STK32A: variants seen among roughly 807,000 people sequenced by gnomAD.
The protein encoded by STK32A is serine/threonine kinase 32A.
Under a neutral mutation model 53.2 loss-of-function variants are expected in STK32A, and 41 were observed. The observed-to-expected ratio is 0.77, with a 90% CI of 0.60 to 1.00. The LOEUF is 1.00. Ranked by LOEUF, STK32A falls within the 50% of genes least tolerant of loss-of-function variation. The probability of loss-of-function intolerance (pLI) is 0.00; values close to 1 mark genes in which losing one functional copy is unlikely to be tolerated. For synonymous variants in STK32A, 166 were observed against 162.8 expected (o/e 1.02, Z -0.15); for missense variants, 458 against 485.8 (o/e 0.94, Z 0.54).
chr5:147,392,008 TC>T, downstream of STK32A: 1 of 152,356 alleles, frequency 6.6e-6, no homozygotes, highest in South Asian at 2.1e-4. Context: ...AAGTGGACGC[TC>T]AGAAGCGAGT....
intron 4 of STK32A, among the ~76,000 whole-genome samples, chr5:147,314,501 A>T (rs1753869485): frequency 3.1e-5 from 1 of 31,912 alleles, no homozygotes; most frequent in African/African-American, 1.7e-4. Context: ...TCCATATCAA[A>T]AAAAACAAAA....
intron 2 of STK32A, among the ~76,000 whole-genome samples, chr5:147,265,140 T>G (rs1008569780): frequency 1.6e-5 from 2 of 128,850 alleles, no homozygotes; most frequent in East Asian, 4.2e-4. Flanking sequence ...TTTTATATAT[T>G]TTTATATATA....
intron 5 of STK32A, among the ~76,000 whole-genome samples, chr5:147,327,320 T>C (rs1474968304): frequency 6.6e-6 from 1 of 152,186 alleles, no homozygotes; most frequent in Non-Finnish European, 1.5e-5. Flanking sequence ...GTACTTGAAT[T>C]CAAGATAACA....
rs375084841 is a variant in STK32A at position 147,261,878 on chromosome 5, C to T, written c.53-16246C>T. ...CATGTATTCACCAAAGGAGTCCATG[C>T]TATCCCCCCCAAGCTAAGACTGCTT... On this transcript the variant is annotated intron_variant, in intron 2 of 12. Coordinates refer to ENST00000397936, the MANE Select transcript of STK32A (RefSeq NM_001112724.2). Among the ~76,000 whole-genome samples the T allele has an allele frequency of 3.5e-4, 50 of 142,162 alleles. 2 individuals carry two copies. In the South Asian group the frequency reaches 0.01, roughly 29 times the overall value. The allele number at this position is 142,162 out of a possible 152,430, so 93.3% of individuals were successfully genotyped here.
chr5:147,239,721 G>T, intron 2 of STK32A, 35 bp downstream of exon 2: 3 of 1,544,176 alleles, frequency 1.9e-6, no homozygotes, highest in South Asian at 2.4e-5. Context: ...ATAAAAAATA[G>T]AATTTTGCAA....
At chr5:147,395,493 T>C in the STK32A span, 1 of 1,535,046 alleles carries the variant, frequency 6.5e-7, no homozygotes, top group East Asian at 2.4e-5. Flanking sequence ...GAACACCCTG[T>C]GGCCTCAGAA....
intron 4 of STK32A, among the ~76,000 whole-genome samples, chr5:147,281,017 T>A (rs1752041289): frequency 6.6e-6 from 1 of 152,104 alleles, no homozygotes; most frequent in Non-Finnish European, 1.5e-5. Flanking sequence ...GCTGGGTGGC[T>A]AGACCCAGAA....
chr5:147,253,711 T>C (rs1458255301), intron 2 of STK32A, among the ~76,000 whole-genome samples: 1 of 152,172 alleles, frequency 6.6e-6, no homozygotes, highest in Non-Finnish European at 1.5e-5. Context: ...TTCAGAATAA[T>C]TTCAAGAAGG....
intron 2 of STK32A, among the ~76,000 whole-genome samples, chr5:147,241,479 AAAAC>A (rs80273912): frequency 0.015 from 2,227 of 151,126 alleles, 43 homozygotes; most frequent in African/African-American, 0.047. Flanking sequence ...ACTCCATCTC[AAAAC>A]AAACAAACAA....
At chr5:147,302,813 AATTTT>A (rs764285263) in intron 4 of STK32A, among the ~76,000 whole-genome samples, 2 of 152,144 alleles carry the variant, frequency 1.3e-5, no homozygotes, top group African/African-American at 2.4e-5. Flanking sequence ...AAGATCCTGA[AATTTT>A]ATTTTATTTT....
chr5:147,256,703 G>C lies in STK32A; in HGVS notation c.52+17017G>C, dbSNP rs1224353161. On this transcript the variant is annotated intron_variant, in intron 2 of 12. Coordinates refer to ENST00000397936, the MANE Select transcript of STK32A (RefSeq NM_001112724.2). ...AGTTTGTATTTTTAGTAGAGACGGTGGTTTCTCCATGTTGGTCAGGCTGGT... is the reference window on the plus strand; with the variant it reads ...AGTTTGTATTTTTAGTAGAGACGGTCGTTTCTCCATGTTGGTCAGGCTGGT... 2.0e-5 allele frequency among the ~76,000 whole-genome samples: 3 copies of C among 152,002 alleles called. No individual in the cohort carries two copies. The East Asian group carries it at 5.8e-4, about 29-fold the overall frequency.
At chr5:147,396,391 T>A in the STK32A span, among the ~76,000 whole-genome samples, 1 of 152,178 alleles carries the variant, frequency 6.6e-6, no homozygotes, top group East Asian at 1.9e-4. Context: ...CGGTACCTCC[T>A]GCAAAGGGGC....
chr5:147,346,242 A>G (rs546768116), intron 6 of STK32A, among the ~76,000 whole-genome samples: 2 of 152,278 alleles, frequency 1.3e-5, no homozygotes, highest in East Asian at 3.9e-4. Context: ...TCATATTTGA[A>G]GACCTCATTT....
chr5:147,337,709 T>TG, intron 5 of STK32A, among the ~76,000 whole-genome samples: 1 of 151,040 alleles, frequency 6.6e-6, no homozygotes, highest in Admixed American at 6.7e-5. Context: ...TAGTGGGGGT[T>TG]GGGGGTTGGG....
intron 5 of STK32A, among the ~76,000 whole-genome samples, chr5:147,334,516 A>G (rs889758739): frequency 6.6e-6 from 1 of 152,160 alleles, no homozygotes; most frequent in Non-Finnish European, 1.5e-5. Flanking sequence ...GACTTTTTCC[A>G]TAATCATGAA....
chr5:147,299,765 T>C (rs1261125553), intron 4 of STK32A, among the ~76,000 whole-genome samples: 1 of 152,230 alleles, frequency 6.6e-6, no homozygotes, highest in Non-Finnish European at 1.5e-5. Flanking sequence ...GAAGAGGCAG[T>C]TTCTAACTTG....
chr5:147,401,798 C>T, the STK32A span: 3 of 1,399,936 alleles, frequency 2.1e-6, no homozygotes, highest in Non-Finnish European at 1.9e-6. Context: ...GACTGTGTCT[C>T]AGAGTCAGAC....
At chr5:147,298,548 T>C (rs1366296183) in intron 4 of STK32A, among the ~76,000 whole-genome samples, 2 of 152,356 alleles carry the variant, frequency 1.3e-5, no homozygotes, top group East Asian at 1.9e-4. Flanking sequence ...TGAATCGAGC[T>C]AGCATTTCTA....
At chr5:147,346,446 C>A (rs544747403) in intron 6 of STK32A, among the ~76,000 whole-genome samples, 2 of 152,184 alleles carry the variant, frequency 1.3e-5, no homozygotes, top group South Asian at 4.1e-4. Context: ...CAGGCAGAAA[C>A]TTTTATTCTT....
Sources: gnomAD v4.1 joint callset for allele counts (sites outside exome capture counted in the v4.1 genomes callset) on GRCh38, gnomAD v4.1.1 for gene constraint, MANE v1.5 for transcripts, NCBI Gene and HGNC (gene_info 2026-07-23, HGNC 2026-07-21) for gene names.